VMA21: variants seen among roughly 807,000 people sequenced by gnomAD.
The protein encoded by VMA21 is vacuolar ATPase assembly integral membrane protein VMA21.
For synonymous variants in VMA21, 47 were observed against 34.1 expected (o/e 1.38, Z -1.32); for missense variants, 61 against 80.6 (o/e 0.76, Z 0.93).
rs1268234317 is a variant in VMA21, at chrX:151,405,390, T to C, written c.*332T>C. ...TACGGTTGCTTTTGAGTTTTACTCA[T>C]TTGGATATATTAAGATGCACACAGT... On this transcript the variant is annotated 3_prime_UTR_variant, in exon 3 of 3. Transcript: ENST00000330374. 3 of 176,216 alleles carry C rather than the reference T, an allele frequency of 1.7e-5. No individual in the cohort carries two copies. Among genetic ancestry groups the C allele is most frequent in the African/African-American group, 9.3e-5 (3 of 32,368 alleles). 14.5% of individuals were successfully genotyped at this position (176,216 alleles called of 1,213,427 possible). A position where few individuals can be genotyped will look rare whatever the true frequency, so the allele number is the denominator to read the frequency against.
chrX:151,401,270 A>G (rs2011234734), intron 1 of VMA21, among the ~76,000 whole-genome samples: 1 of 111,592 alleles, frequency 9.0e-6, no homozygotes, highest in East Asian at 2.8e-4. Flanking sequence ...AGTACCACTT[A>G]TTGAAGGGAC....
chrX:151,397,105 G>T (rs1297284326), upstream of VMA21: 6 of 346,045 alleles, frequency 1.7e-5, no homozygotes, highest in Non-Finnish European at 2.8e-5. Context: ...GCCCTGCGTC[G>T]CTGCGGCGCG....
chrX:151,408,637 C>A lies in VMA21; in HGVS notation c.*3579C>A, dbSNP rs1323020142. On this transcript the variant is annotated 3_prime_UTR_variant, in exon 3 of 3. Coordinates refer to ENST00000330374, the MANE Select transcript of VMA21 (RefSeq NM_001017980.4). Reference sequence around the variant, plus strand: ...TTAAGATAATTTTTACAAGAGCTGGCTGAAGCAGCACATTAGTAACCTGAC... The same window carrying A: ...TTAAGATAATTTTTACAAGAGCTGGATGAAGCAGCACATTAGTAACCTGAC... 4 of 112,389 alleles carry A rather than the reference C, an allele frequency of 3.6e-5. No individual in the cohort carries two copies. The highest frequency in any genetic ancestry group is 1.3e-4 in the African/African-American group (4 of 30,887). The allele number at this position is 112,389 out of a possible 1,213,427, so 9.3% of individuals were successfully genotyped here.
At chrX:151,402,760 C>T (rs5970035) in intron 1 of VMA21, among the ~76,000 whole-genome samples, 48,354 of 109,095 alleles carry the variant, frequency 0.44, 7,913 homozygotes, top group Non-Finnish European at 0.53. Context: ...GGTTGCTGCA[C>T]GGGCTCAGGG....
Position 151,397,268 on chromosome X carries a change from C to G in VMA21, c.-41C>G, listed in dbSNP as rs112016770. On this transcript the variant is annotated 5_prime_UTR_variant, in exon 1 of 3. Transcript: ENST00000330374. ...AGCTTACTGAGCGCGGCCGCCGAGC[C>G]CAGCTCCGCCGCCGAGCGCCTGTGC... The G allele has an allele frequency of 3.4e-4, 392 of 1,148,914 alleles. 2 individuals are homozygous for G. In the African/African-American group the frequency reaches 6.2e-3, roughly 18 times the overall value. The allele number at this position is 1,148,914 out of a possible 1,213,427, so 94.7% of individuals were successfully genotyped here.
rs201487581 is a variant in VMA21 at position 151,403,721 on chromosome X, T to G, written c.144T>G (p.Thr48=). 269 of 1,195,515 alleles carry G rather than the reference T, an allele frequency of 2.3e-4. No individual in the cohort carries two copies. Among genetic ancestry groups the G allele is most frequent in the Non-Finnish European group, 2.8e-4 (244 of 881,684 alleles). ...TTCCTATTGGGTTATATTTCACAAC[T>G]AAATCTTACATATTTGAAGGTAATC... ...ITVPIGLYFT[T]KSYIFEGALG... Residue 48 remains threonine (T), a synonymous_variant, in exon 2 of 3, where the codon ACT becomes ACG. Coordinates refer to ENST00000330374, the MANE Select transcript of VMA21 (RefSeq NM_001017980.4).
upstream of VMA21, chrX:151,396,908 G>A (rs2011193477): frequency 1.9e-6 from 1 of 522,203 alleles, no homozygotes; most frequent in Non-Finnish European, 3.5e-6. Context: ...GTTCACGCGA[G>A]TTCAGGGGGC....
intron 1 of VMA21, among the ~76,000 whole-genome samples, chrX:151,401,550 T>A (rs982269112): frequency 1.8e-5 from 2 of 112,001 alleles, no homozygotes; most frequent in Non-Finnish European, 3.8e-5. Context: ...TAATGAAGAA[T>A]GCTACTGTAA....
intron 1 of VMA21, among the ~76,000 whole-genome samples, chrX:151,399,099 A>G (rs1281316563): frequency 1.8e-5 from 2 of 112,303 alleles, no homozygotes; most frequent in Non-Finnish European, 3.8e-5. Context: ...GAAGTTTGCT[A>G]GTTTTCAAAA....
At chrX:151,400,507 A>G (rs185773516) in intron 1 of VMA21, among the ~76,000 whole-genome samples, 70 of 111,819 alleles carry the variant, frequency 6.3e-4, no homozygotes, top group African/African-American at 2.2e-3. Flanking sequence ...TAATGCTGCA[A>G]TGAACATGGA....
At position 151,406,589 on chromosome X, in the gene VMA21, C is replaced by G. The variant is rs2011295111; in HGVS notation, c.*1531C>G. ...AGAGACGGGGTTTCACCATGTTGTCCAGGCTAATCTTGAACTTGTGACCTC... is the reference window on the plus strand; with the variant it reads ...AGAGACGGGGTTTCACCATGTTGTCGAGGCTAATCTTGAACTTGTGACCTC... On this transcript the variant is annotated 3_prime_UTR_variant, in exon 3 of 3. Coordinates refer to ENST00000330374, the MANE Select transcript of VMA21 (RefSeq NM_001017980.4). The G allele has an allele frequency of 9.0e-6, 1 of 110,814 alleles. No individual in the cohort carries two copies. The allele number at this position is 110,814 out of a possible 1,213,427, so 9.1% of individuals were successfully genotyped here. A position where few individuals can be genotyped will look rare whatever the true frequency, so the allele number is the denominator to read the frequency against.
rs2011315763 is a variant in VMA21 at position 151,408,189 on chromosome X, G to A, written c.*3131G>A. The A allele has an allele frequency of 9.0e-6, 1 of 111,315 alleles. No individual in the cohort carries two copies. The highest frequency in any genetic ancestry group is 3.3e-5 in the African/African-American group (1 of 30,566). The allele number at this position is 111,315 out of a possible 1,213,427, so 9.2% of individuals were successfully genotyped here. A position where few individuals can be genotyped will look rare whatever the true frequency, so the allele number is the denominator to read the frequency against. ...TTACAGGTATCAGCCACCGTGCCTGGCCTAATAATTGGAACATTTTCATCA... is the reference window on the plus strand; with the variant it reads ...TTACAGGTATCAGCCACCGTGCCTGACCTAATAATTGGAACATTTTCATCA... On this transcript the variant is annotated 3_prime_UTR_variant, in exon 3 of 3. Transcript: ENST00000330374.
chrX:151,397,257 G>C lies in VMA21; in HGVS notation c.-52G>C, dbSNP rs2124119124. 6.3e-5 allele frequency: 72 copies of C among 1,139,297 alleles called. No individual in the cohort carries two copies. Among genetic ancestry groups the C allele is most frequent in the Non-Finnish European group, 8.1e-5 (70 of 860,593 alleles). 93.9% of individuals were successfully genotyped at this position (1,139,297 alleles called of 1,213,427 possible). ...TTCCCTCGCGGAGCTTACTGAGCGC[G>C]GCCGCCGAGCCCAGCTCCGCCGCCG... On this transcript the variant is annotated 5_prime_UTR_variant, in exon 1 of 3. Transcript: ENST00000330374.
intron 1 of VMA21, among the ~76,000 whole-genome samples, chrX:151,398,175 T>C (rs1257497484): frequency 1.0e-5 from 1 of 98,953 alleles, no homozygotes; most frequent in East Asian, 2.9e-4. Context: ...GACAGGGTCA[T>C]TGTGAGTTTT....
chrX:151,406,894 T>C lies in VMA21; in HGVS notation c.*1836T>C, dbSNP rs1200893779. 8.9e-6 allele frequency: 1 copy of C among 112,191 alleles called. No individual in the cohort carries two copies. Among genetic ancestry groups the C allele is most frequent in the African/African-American group, 3.2e-5 (1 of 30,867 alleles). 9.2% of individuals were successfully genotyped at this position (112,191 alleles called of 1,213,427 possible). A position where few individuals can be genotyped will look rare whatever the true frequency, so the allele number is the denominator to read the frequency against. ...GTCAAATAGCATTTGTGTTTAACTG[T>C]TGAGAAAAGTGAAAGATCAGTATGA... On this transcript the variant is annotated 3_prime_UTR_variant, in exon 3 of 3. Transcript: ENST00000330374.
Position 151,405,208 on chromosome X carries a change from A to G in VMA21, c.*150A>G. 1.5e-6 allele frequency: 1 copy of G among 670,430 alleles called. No individual in the cohort carries two copies. The allele number at this position is 670,430 out of a possible 1,213,427, so 55.3% of individuals were successfully genotyped here. On this transcript the variant is annotated 3_prime_UTR_variant, in exon 3 of 3. Coordinates refer to ENST00000330374, the MANE Select transcript of VMA21 (RefSeq NM_001017980.4). ...GTATGTAAATTTTGATCTTTCTAATATGTTGGTTTGTATATTCAGTTTTAA... is the reference window on the plus strand; with the variant it reads ...GTATGTAAATTTTGATCTTTCTAATGTGTTGGTTTGTATATTCAGTTTTAA...
At chrX:151,403,577 C>T (rs939386285) in intron 1 of VMA21, 54 bp from the exon 2 acceptor site, 2 of 878,215 alleles carry the variant, frequency 2.3e-6, no homozygotes, top group South Asian at 2.0e-5. Flanking sequence ...GACATAAGAG[C>T]GTTTGGATAT....
upstream of VMA21, chrX:151,397,182 C>T: frequency 1.3e-6 from 1 of 756,549 alleles, no homozygotes; most frequent in Non-Finnish European, 1.8e-6. Flanking sequence ...CCGGCGCGAA[C>T]GGGCACTTCC....
intron 1 of VMA21, among the ~76,000 whole-genome samples, chrX:151,398,273 C>T (rs1007266903): frequency 2.3e-4 from 24 of 104,637 alleles, no homozygotes; most frequent in African/African-American, 8.1e-4. Context: ...GGGGGCTTGG[C>T]GTACAGGTAA....
Sources: gnomAD v4.1 joint callset for allele counts (sites outside exome capture counted in the v4.1 genomes callset) on GRCh38, gnomAD v4.1.1 for gene constraint, MANE v1.5 for transcripts, NCBI Gene and HGNC (gene_info 2026-07-23, HGNC 2026-07-21) for gene names.